DAG1: variants seen among roughly 807,000 people sequenced by gnomAD.
DAG1 encodes the protein dystroglycan 1 (dystrophin-associated glycoprotein 1).
Under a neutral mutation model 46.1 loss-of-function variants are expected in DAG1, and 8 were observed. That is an observed-to-expected ratio of 0.17 (90% CI 0.10 to 0.31). The LOEUF (loss-of-function observed/expected upper bound fraction) is 0.31. DAG1 is among the 10% of genes least tolerant of loss of function. The pLI, the probability that DAG1 is intolerant of heterozygous loss-of-function variation, is 1.00. For missense variants in DAG1, 1,003 were observed against 1,189.9 expected (o/e 0.84, Z 2.31); for synonymous variants, 495 against 481.8 (o/e 1.03, Z -0.36).
intron 2 of DAG1, among the ~76,000 whole-genome samples, chr3:49,511,665 C>A (rs2050764442): frequency 6.6e-6 from 1 of 152,150 alleles, no homozygotes; most frequent in Non-Finnish European, 1.5e-5. Context: ...AAGCACATAT[C>A]AGCACACCTG....
rs761854381 is a variant in DAG1, at chr3:49,531,678, G to A, written c.1167G>A (p.Arg389=). The change falls in exon 3 of 3, where the codon CGG becomes CGA. Residue 389 remains arginine (R), a synonymous_variant. Coordinates refer to ENST00000308775, the MANE Select transcript of DAG1 (RefSeq NM_004393.6). The surrounding 1 kb of genome is among the most constrained non-coding windows in gnomAD (Gnocchi z 7.0). ...CCCTAGGCCCCATCCAGCCTACTCG[G>A]GTGTCAGAAGCTGGCACCACAGTTC... The part of the protein sequence containing the change: ...TPTLGPIQPT[R]VSEAGTTVPG... 2 of 1,613,462 alleles carry A rather than the reference G, an allele frequency of 1.2e-6. No individual in the cohort carries two copies. Among genetic ancestry groups the A allele is most frequent in the Non-Finnish European group, 1.7e-6 (2 of 1,179,598 alleles).
rs370497967 is a variant in DAG1, at chr3:49,514,745, T to G, written c.285+3926T>G. ...CCTCCGCCTCCCGGGTTCAAGCGAT[T>G]CTCCTGCCTCAGCCTCCTGAGTAGC... On this transcript the variant is annotated intron_variant, in intron 2 of 2. Coordinates refer to ENST00000308775, the MANE Select transcript of DAG1 (RefSeq NM_004393.6). Among the ~76,000 whole-genome samples the G allele has an allele frequency of 5.5e-3, 838 of 152,136 alleles. 3 individuals carry two copies. Among genetic ancestry groups the G allele is most frequent in the African/African-American group, 0.02 (814 of 41,504 alleles).
In DAG1 at chr3:49,478,802, CTTTTTTTTTTTT is replaced by C. The variant is rs201202889; in HGVS notation, c.-117+8386_-117+8397del. On this transcript the variant is annotated intron_variant, in intron 1 of 2. Transcript: ENST00000308775. ...TGAAAAGTCTCTTGTCGTCCCCTCC[CTTTTTTTTTTTT>C]TTTTTTTTTTTTTTTTGGATACAGA... Among the ~76,000 whole-genome samples the C allele has an allele frequency of 5.1e-4, 39 of 76,012 alleles. 1 individual carries two copies. Among genetic ancestry groups the C allele is most frequent in the East Asian group, 3.9e-3 (10 of 2,548 alleles). The allele number at this position is 76,012 out of a possible 152,430, so 49.9% of individuals were successfully genotyped here.
intron 1 of DAG1, among the ~76,000 whole-genome samples, chr3:49,502,188 G>T (rs1178922572): frequency 1.3e-5 from 2 of 152,210 alleles, no homozygotes; most frequent in Non-Finnish European, 2.9e-5. Context: ...AAGAGTTGAA[G>T]AAAAACCTTC....
intron 1 of DAG1, among the ~76,000 whole-genome samples, chr3:49,506,492 G>GT (rs540677610): frequency 5.1e-4 from 77 of 152,196 alleles, no homozygotes; most frequent in Non-Finnish European, 9.0e-4. Context: ...TTGTCTGAGA[G>GT]TTTTTTTATT....
intron 1 of DAG1, among the ~76,000 whole-genome samples, chr3:49,477,641 A>G (rs2049720029): frequency 6.6e-6 from 1 of 152,180 alleles, no homozygotes; most frequent in African/African-American, 2.4e-5. Context: ...ATTGGATAAT[A>G]CATACATTTA....
intron 2 of DAG1, 81 bp downstream of exon 2, chr3:49,510,900 A>C: frequency 1.3e-6 from 2 of 1,563,860 alleles, no homozygotes; most frequent in Admixed American, 1.9e-5. Flanking sequence ...TTTCAAGTCT[A>C]AGCTTCACCA....
chr3:49,510,993 T>C, intron 2 of DAG1, 174 bp downstream of exon 2: 8 of 983,154 alleles, frequency 8.1e-6, no homozygotes, highest in Non-Finnish European at 9.7e-6. Context: ...ATACTCAGAA[T>C]AGCATCCTAA....
intron 2 of DAG1, among the ~76,000 whole-genome samples, chr3:49,519,700 A>G (rs887728130): frequency 3.9e-5 from 6 of 152,174 alleles, no homozygotes; most frequent in Admixed American, 2.6e-4. Flanking sequence ...AGATTCATCA[A>G]CTCAAATACT....
chr3:49,516,189 T>C (rs1423478910), intron 2 of DAG1, among the ~76,000 whole-genome samples: 1 of 152,274 alleles, frequency 6.6e-6, no homozygotes, highest in Non-Finnish European at 1.5e-5. Flanking sequence ...CTGTGTCATC[T>C]TCTTCTTAGC....
intron 2 of DAG1, among the ~76,000 whole-genome samples, chr3:49,527,439 A>C (rs1322607439): frequency 6.6e-6 from 1 of 150,662 alleles, no homozygotes. Flanking sequence ...GGAGAATGGC[A>C]TGAACCCGGG....
chr3:49,528,592 G>A (rs2051255536), intron 2 of DAG1, among the ~76,000 whole-genome samples: 1 of 151,752 alleles, frequency 6.6e-6, no homozygotes, highest in African/African-American at 2.4e-5. Context: ...GCCAATAAGT[G>A]TGATTTTTAT....
chr3:49,521,738 G>A (rs959038755), intron 2 of DAG1, among the ~76,000 whole-genome samples: 8 of 152,240 alleles, frequency 5.3e-5, no homozygotes, highest in Admixed American at 1.3e-4. Flanking sequence ...GAGGGCATCA[G>A]TAAAGCAGCT....
intron 1 of DAG1, among the ~76,000 whole-genome samples, chr3:49,483,350 A>G (rs1015908788): frequency 6.6e-6 from 1 of 151,876 alleles, no homozygotes; most frequent in African/African-American, 2.4e-5. Flanking sequence ...ATGATACACC[A>G]TGCGCCACCA....
intron 1 of DAG1, among the ~76,000 whole-genome samples, chr3:49,494,258 A>C (rs1040755776): frequency 6.6e-6 from 1 of 152,172 alleles, no homozygotes; most frequent in African/African-American, 2.4e-5. Context: ...GCATTTGCCT[A>C]GATAAATATT....
intron 2 of DAG1, among the ~76,000 whole-genome samples, chr3:49,523,889 C>G (rs2051102186): frequency 6.6e-6 from 1 of 152,204 alleles, no homozygotes; most frequent in South Asian, 2.1e-4. Flanking sequence ...CAGCCTGGAG[C>G]TGGGATTCGC....
At chr3:49,514,108 G>C (rs2050830284) in intron 2 of DAG1, among the ~76,000 whole-genome samples, 1 of 152,164 alleles carries the variant, frequency 6.6e-6, no homozygotes, top group Admixed American at 6.5e-5. Flanking sequence ...TTTAGTAGCT[G>C]ATGAGCTTGT....
At position 49,473,287 on chromosome 3, in the gene DAG1, C is replaced by T. The variant is rs530544485; in HGVS notation, c.-117+2854C>T. ...AAAATTAGCCAGGTGGGGTGGCGGG[C>T]GCCTGTAGTCCCAGCTACTCATTCT... On this transcript the variant is annotated intron_variant, in intron 1 of 2. Coordinates refer to ENST00000308775, the MANE Select transcript of DAG1 (RefSeq NM_004393.6). Among the ~76,000 whole-genome samples the T allele has an allele frequency of 8.6e-5, 13 of 150,680 alleles. No homozygotes were observed. The South Asian group carries it at 1.7e-3, about 19-fold the overall frequency.
At position 49,514,139 on chromosome 3, in the gene DAG1, G is replaced by A. The variant is rs1206950482; in HGVS notation, c.285+3320G>A. ...CTTGTAGAAAAACAGATGAAGATGT[G>A]TGACTCTTCGTTCCAGTCTTAACCA... On this transcript the variant is annotated intron_variant, in intron 2 of 2. Transcript: ENST00000308775. Among the ~76,000 whole-genome samples the A allele has an allele frequency of 2.6e-5, 4 of 152,196 alleles. No homozygotes were observed. In the East Asian group the frequency reaches 7.7e-4, roughly 29 times the overall value.
Sources: gnomAD v4.1 joint callset for allele counts (sites outside exome capture counted in the v4.1 genomes callset) on GRCh38, gnomAD v4.1.1 for gene constraint, Gnocchi (gnomAD v3.1) non-coding constraint, MANE v1.5 for transcripts, NCBI Gene and HGNC (gene_info 2026-07-23, HGNC 2026-07-21) for gene names.